Variants in NBPF20 observed in about 807,000 individuals in gnomAD.
The protein encoded by NBPF20 is NBPF member 20.
NBPF20 carries 90 observed loss-of-function variants against 68.1 expected under a neutral mutation model. That is an observed-to-expected ratio of 1.32 (90% CI 1.11 to 1.58). The LOEUF (loss-of-function observed/expected upper bound fraction) is 1.58. Among genes scored for constraint, NBPF20 ranks in the 40% most tolerant of loss-of-function variants. The pLI, the probability that NBPF20 is intolerant of heterozygous loss-of-function variation, is 0.00. For synonymous variants in NBPF20, 290 were observed against 228.1 expected, an observed-to-expected ratio of 1.27 and a Z score of -2.45; for missense variants, 816 against 601.2, an observed-to-expected ratio of 1.36 and a Z score of -3.74.
At chr1:145,393,034 A>G (rs1661983969) in intron 10 of NBPF20, 40 bp downstream of exon 15, 3 of 469,564 alleles carry the variant, frequency 6.4e-6, no homozygotes, top group Non-Finnish European at 1.1e-5. Flanking sequence ...TAACCAGAAG[A>G]CTCAGTGGAT....
chr1:145,393,551 T>C (rs1309364872), intron 9 of NBPF20, among the ~76,000 whole-genome samples: 1 of 152,018 alleles, frequency 6.6e-6, no homozygotes, highest in African/African-American at 2.4e-5. Context: ...GGACACTCTG[T>C]ATTTGTGCTC....
At chr1:145,291,728 A>G in exon 138 of NBPF20, 3 of 1,611,972 alleles carry the variant, frequency 1.9e-6, no homozygotes, top group Non-Finnish European at 1.7e-6. Flanking sequence ...TGAGTCCTGT[A>G]AGACTTCAGG....
chr1:145,291,948 C>T (rs150583917), intron 137 of NBPF20, among the ~76,000 whole-genome samples, 179 bp from the exon 143 acceptor site: 1,757 of 150,710 alleles, frequency 0.012, 43 homozygotes, highest in African/African-American at 0.041. Flanking sequence ...AGGTAGAAAA[C>T]AATGAAAGAG....
intron 2 of NBPF20, among the ~76,000 whole-genome samples, chr1:145,404,230 CTTTTTA>C (rs1483541607): frequency 7.2e-6 from 1 of 138,896 alleles, no homozygotes; most frequent in South Asian, 2.4e-4. Flanking sequence ...CTACTCTCTG[CTTTTTA>C]TTTTTATTTT....
chr1:145,398,779 A>C (rs1662378517), intron 7 of NBPF20, among the ~76,000 whole-genome samples: 3 of 151,760 alleles, frequency 2.0e-5, no homozygotes, highest in Non-Finnish European at 4.4e-5. Context: ...AAGATCAATG[A>C]ATCCAGGGCT....
intron 7 of NBPF20, among the ~76,000 whole-genome samples, chr1:145,398,112 G>C (rs782473391): frequency 2.6e-5 from 4 of 152,030 alleles, no homozygotes; most frequent in Non-Finnish European, 5.9e-5. Context: ...AAGAGATTTA[G>C]ACTCCACACA....
upstream of NBPF20, among the ~76,000 whole-genome samples, chr1:145,407,400 A>ATAT (rs1361190149): frequency 6.9e-6 from 1 of 144,748 alleles, no homozygotes; most frequent in African/African-American, 2.6e-5. Context: ...ACGTGTATAT[A>ATAT]TATTATACAC....
exon 4 of NBPF20, chr1:145,402,371 C>T: frequency 6.2e-7 from 1 of 1,604,180 alleles, no homozygotes; most frequent in Admixed American, 1.7e-5. Flanking sequence ...TGAACCAGGA[C>T]TTTATATTGC....
intron 137 of NBPF20, 31 bp from the exon 143 acceptor site, chr1:145,291,800 C>A (rs781968575): frequency 1.7e-5 from 28 of 1,611,424 alleles, no homozygotes; most frequent in Non-Finnish European, 2.3e-5. Flanking sequence ...AAAGAAGCAG[C>A]CAGGGAAAAT....
upstream of NBPF20, among the ~76,000 whole-genome samples, chr1:145,405,958 G>A (rs371445871): frequency 2.0e-5 from 3 of 147,768 alleles, no homozygotes; most frequent in South Asian, 2.1e-4. Flanking sequence ...TCACTCTGTC[G>A]CCCAGGCTGG....
At chr1:145,393,396 G>T (rs1355834586) in intron 9 of NBPF20, 150 bp from the exon 15 acceptor site, 3 of 716,458 alleles carry the variant, frequency 4.2e-6, no homozygotes, top group Middle Eastern at 3.7e-4. Flanking sequence ...TTTATGTTGG[G>T]ATAGACTAGG....
exon 6 of NBPF20, chr1:145,400,413 C>T: frequency 6.2e-7 from 1 of 1,612,992 alleles, no homozygotes; most frequent in South Asian, 1.1e-5. Flanking sequence ...ACAGCATCCT[C>T]CCATTCAACA....
intron 5 of NBPF20, 28 bp from the exon 11 acceptor site, chr1:145,400,622 C>G: frequency 1.2e-6 from 2 of 1,601,014 alleles, no homozygotes. Context: ...ACAGAGATGA[C>G]AGAAGATTAA....
chr1:145,399,711 A>G (rs1164895755), intron 6 of NBPF20, among the ~76,000 whole-genome samples: 2 of 129,220 alleles, frequency 1.5e-5, no homozygotes, highest in Non-Finnish European at 3.2e-5. Context: ...TGGGAGGCAG[A>G]GGTTGCACCA....
chr1:145,411,939 G>A, the NBPF20 span, among the ~76,000 whole-genome samples: 1 of 80,084 alleles, frequency 1.2e-5, no homozygotes, highest in African/African-American at 5.7e-5. Flanking sequence ...AGAGTCAGGG[G>A]CAGCATCAGC....
At chr1:145,337,964 G>A (rs1661583029) in intron 79 of NBPF20, among the ~76,000 whole-genome samples, 155 bp from the exon 85 acceptor site, 1 of 52,804 alleles carries the variant, frequency 1.9e-5, no homozygotes, top group Non-Finnish European at 3.7e-5. Flanking sequence ...TGTTGGGACA[G>A]AACAGGGCCA....
chr1:145,405,709 T>C (rs1662745941), upstream of NBPF20: 1 of 524,690 alleles, frequency 1.9e-6, no homozygotes, highest in Admixed American at 3.4e-5. Context: ...CCTTCAGCAT[T>C]CACTCTCAGT....
intron 133 of NBPF20, 119 bp from the exon 139 acceptor site, chr1:145,295,073 A>G (rs1661265371): frequency 2.0e-5 from 9 of 457,658 alleles, no homozygotes; most frequent in Non-Finnish European, 2.6e-5. Flanking sequence ...AGATCCATTA[A>G]TGAGGTAATG....
upstream of NBPF20, among the ~76,000 whole-genome samples, chr1:145,406,208 A>G (rs1662778823): frequency 6.7e-6 from 1 of 149,496 alleles, no homozygotes; most frequent in South Asian, 2.1e-4. Context: ...TACTGGGATT[A>G]CAGGCGTGAG....
Sources: gnomAD v4.1 joint callset for allele counts (sites outside exome capture counted in the v4.1 genomes callset) on GRCh38, gnomAD v4.1.1 for gene constraint, MANE v1.5 for transcripts, NCBI Gene and HGNC (gene_info 2026-07-23, HGNC 2026-07-21) for gene names.